Variants in SLC24A3 observed in about 807,000 individuals in gnomAD.
SLC24A3 encodes the protein sodium/potassium/calcium exchanger 3.
SLC24A3 carries 28 observed loss-of-function variants against 75.8 expected under a neutral mutation model. The observed-to-expected ratio is 0.37, with a 90% CI of 0.27 to 0.51. The LOEUF (loss-of-function observed/expected upper bound fraction) is 0.51, where lower values mean the gene tolerates loss of function less well. Ranked by LOEUF, SLC24A3 falls within the 20% of genes least tolerant of loss-of-function variation. SLC24A3 has a pLI of 0.94. For missense variants in SLC24A3, 663 were observed against 847.8 expected (o/e 0.78, Z 2.71); for synonymous variants, 372 against 334.1 (o/e 1.11, Z -1.24).
At chr20:19,310,044 T>C (rs1230068444) in intron 2 of SLC24A3, among the ~76,000 whole-genome samples, 2 of 152,184 alleles carry the variant, frequency 1.3e-5, no homozygotes, top group Non-Finnish European at 2.9e-5. Flanking sequence ...AGAGCCGGAC[T>C]TGACATTGGA....
At chr20:19,618,102 T>C (rs1255487729) in intron 6 of SLC24A3, among the ~76,000 whole-genome samples, 1 of 152,042 alleles carries the variant, frequency 6.6e-6, no homozygotes, top group East Asian at 1.9e-4. Context: ...TCCTAAAACA[T>C]GTTTGGTACT....
At chr20:19,325,795 T>TATATATAGAGAGAGAG (rs1251419875) in intron 2 of SLC24A3, among the ~76,000 whole-genome samples, 1 of 67,792 alleles carries the variant, frequency 1.5e-5, no homozygotes, top group Non-Finnish European at 2.8e-5. Flanking sequence ...TATATATATA[T>TATATATAGAGAGAGAG]AGAGAGAGAG....
At chr20:19,362,136 T>TAAGC (rs1444494148) in intron 2 of SLC24A3, among the ~76,000 whole-genome samples, 1 of 152,232 alleles carries the variant, frequency 6.6e-6, no homozygotes, top group African/African-American at 2.4e-5. Flanking sequence ...TAATTAGGGG[T>TAAGC]AAGCCTTAGA....
At chr20:19,524,950 A>T (rs1041156720) in intron 3 of SLC24A3, among the ~76,000 whole-genome samples, 7 of 152,240 alleles carry the variant, frequency 4.6e-5, no homozygotes, top group African/African-American at 1.7e-4. Flanking sequence ...GCTCTAATTT[A>T]TCAGGGCACA....
chr20:19,613,937 A>G (rs1046984790), intron 6 of SLC24A3, among the ~76,000 whole-genome samples: 2 of 152,178 alleles, frequency 1.3e-5, no homozygotes, highest in Non-Finnish European at 2.9e-5. Context: ...CTTTGCGTTC[A>G]ACCCGCTTAC....
chr20:19,718,083 A>C (rs528939832), intron 16 of SLC24A3, among the ~76,000 whole-genome samples: 1 of 152,346 alleles, frequency 6.6e-6, no homozygotes, highest in African/African-American at 2.4e-5. Flanking sequence ...ACACCAACGC[A>C]TGGACTCATC....
intron 6 of SLC24A3, among the ~76,000 whole-genome samples, chr20:19,600,029 C>T (rs1315957577): frequency 6.6e-6 from 1 of 152,164 alleles, no homozygotes; most frequent in Non-Finnish European, 1.5e-5. Flanking sequence ...TTGGCTTATG[C>T]TACCTGTGAA....
Position 19,435,626 on chromosome 20 carries a change from C to A in SLC24A3, c.272-79862C>A, listed in dbSNP as rs891225407. On this transcript the variant is annotated intron_variant, in intron 2 of 16. Transcript: ENST00000328041. The stretch of plus-strand genomic sequence containing the variant: ...ACGGTCACCTTTGGAGCTTTTTCCC[C>A]AGGCAAAGAGTGACCCAGCTGGAGT... Among the ~76,000 whole-genome samples the A allele has an allele frequency of 3.3e-5, 5 of 152,130 alleles. No homozygotes were observed. The South Asian group carries it at 6.2e-4, about 19-fold the overall frequency.
intron 6 of SLC24A3, among the ~76,000 whole-genome samples, chr20:19,616,962 C>CATCCAT (rs1299617228): frequency 1.3e-5 from 2 of 152,134 alleles, no homozygotes; most frequent in Non-Finnish European, 2.9e-5. Flanking sequence ...CTCTTTCTTT[C>CATCCAT]ATCCATTCAA....
chr20:19,261,728 A>C (rs1350824731), intron 1 of SLC24A3: 1 of 152,238 alleles, frequency 6.6e-6, no homozygotes, highest in African/African-American at 2.4e-5. Context: ...GCCAGCTTCC[A>C]GGAAGAAGTT....
chr20:19,430,318 G>C (rs1987078143), intron 2 of SLC24A3, among the ~76,000 whole-genome samples: 1 of 151,988 alleles, frequency 6.6e-6, no homozygotes, highest in Non-Finnish European at 1.5e-5. Flanking sequence ...AATCAAAACA[G>C]AGTTTTCCCT....
intron 1 of SLC24A3, among the ~76,000 whole-genome samples, chr20:19,233,262 C>T (rs1430375547): frequency 6.6e-6 from 1 of 152,252 alleles, no homozygotes; most frequent in Non-Finnish European, 1.5e-5. Context: ...GAAGTGCACA[C>T]AGCAGTTCCA....
intron 11 of SLC24A3, 40 bp downstream of exon 11, chr20:19,684,376 G>A (rs1368592161): frequency 6.3e-7 from 1 of 1,582,340 alleles, no homozygotes; most frequent in East Asian, 2.3e-5. Context: ...CTGGACAGGG[G>A]TGGGAAACTC....
intron 6 of SLC24A3, among the ~76,000 whole-genome samples, chr20:19,645,965 G>A (rs760459741): frequency 5.3e-4 from 80 of 152,270 alleles, no homozygotes; most frequent in Admixed American, 4.6e-4. Context: ...TGAGATGGGA[G>A]GATCACCTGA....
intron 15 of SLC24A3, among the ~76,000 whole-genome samples, chr20:19,708,464 C>G (rs533570384): frequency 6.6e-6 from 1 of 152,226 alleles, no homozygotes; most frequent in South Asian, 2.1e-4. Flanking sequence ...ACACTGCTCC[C>G]TCTGCTAGAA....
At chr20:19,482,733 G>T (rs1169942562) in intron 2 of SLC24A3, among the ~76,000 whole-genome samples, 1 of 152,182 alleles carries the variant, frequency 6.6e-6, no homozygotes, top group East Asian at 1.9e-4. Flanking sequence ...CCTATACCTT[G>T]CTGAAATATT....
chr20:19,589,668 A>G (rs1018664119), intron 6 of SLC24A3, among the ~76,000 whole-genome samples: 1 of 152,224 alleles, frequency 6.6e-6, no homozygotes, highest in Admixed American at 6.5e-5. Flanking sequence ...GGGCCAGGAC[A>G]TCTTGCATTT....
intron 2 of SLC24A3, among the ~76,000 whole-genome samples, chr20:19,441,816 T>G (rs1987303717): frequency 6.6e-6 from 1 of 152,190 alleles, no homozygotes; most frequent in Non-Finnish European, 1.5e-5. Flanking sequence ...AAATCCTCAG[T>G]GCTCTGCTAA....
intron 3 of SLC24A3, among the ~76,000 whole-genome samples, chr20:19,539,841 A>G (rs942294226): frequency 1.3e-5 from 2 of 152,176 alleles, no homozygotes; most frequent in Non-Finnish European, 2.9e-5. Context: ...AAAGGGTGTA[A>G]TCTAATGGCA....
Sources: gnomAD v4.1 joint callset for allele counts (sites outside exome capture counted in the v4.1 genomes callset) on GRCh38, gnomAD v4.1.1 for gene constraint, MANE v1.5 for transcripts, NCBI Gene and HGNC (gene_info 2026-07-23, HGNC 2026-07-21) for gene names.